BAG4: variants seen among roughly 807,000 people sequenced by gnomAD.
BAG4 encodes the protein BAG cochaperone 4.
Under a neutral mutation model 52.1 loss-of-function variants are expected in BAG4, and 28 were observed. The ratio of observed to expected loss-of-function variants is 0.54; its 90% CI spans 0.40 to 0.74. The LOEUF (loss-of-function observed/expected upper bound fraction) is 0.74, where lower values mean the gene tolerates loss of function less well. Ranked by LOEUF, BAG4 falls within the 30% of genes least tolerant of loss-of-function variation. The pLI is 0.00. For synonymous variants in BAG4, 208 were observed against 217.0 expected (o/e 0.96, Z 0.37); for missense variants, 525 against 572.0 (o/e 0.92, Z 0.84).
At chr8:38,206,062 G>A (rs1444622605) in intron 2 of BAG4, among the ~76,000 whole-genome samples, 2 of 150,726 alleles carry the variant, frequency 1.3e-5, no homozygotes, top group Non-Finnish European at 3.0e-5. Flanking sequence ...AGGCTGAGGC[G>A]GGTGGATATG....
chr8:38,184,448 C>T (rs898992205), intron 1 of BAG4, among the ~76,000 whole-genome samples: 16 of 151,016 alleles, frequency 1.1e-4, no homozygotes, highest in Non-Finnish European at 1.9e-4. Context: ...GTCTGGGTGA[C>T]GGAGTGAGAC....
intron 3 of BAG4, among the ~76,000 whole-genome samples, chr8:38,208,738 T>C (rs966034808): frequency 3.3e-5 from 5 of 152,236 alleles, no homozygotes; most frequent in African/African-American, 1.2e-4. Flanking sequence ...ATAGTATCTA[T>C]GGGACAGACT....
chr8:38,198,778 T>C (rs1033805566), intron 2 of BAG4, among the ~76,000 whole-genome samples: 11 of 152,138 alleles, frequency 7.2e-5, no homozygotes, highest in African/African-American at 2.7e-4. Context: ...TGAGCCACCA[T>C]GCGTGGCTGT....
chr8:38,203,235 G>T (rs1166509390), intron 2 of BAG4, among the ~76,000 whole-genome samples: 1 of 151,992 alleles, frequency 6.6e-6, no homozygotes, highest in East Asian at 1.9e-4. Flanking sequence ...ATTGCTAAGC[G>T]AGTGTTCTTA....
intron 2 of BAG4, among the ~76,000 whole-genome samples, chr8:38,193,425 AAAAC>A (rs1190211211): frequency 2.0e-5 from 3 of 152,110 alleles, no homozygotes; most frequent in Non-Finnish European, 2.9e-5. Flanking sequence ...CTCAAAACAA[AAAAC>A]AAACAAAAAA....
At chr8:38,193,132 T>C (rs1006419409) in intron 2 of BAG4, among the ~76,000 whole-genome samples, 3 of 152,166 alleles carry the variant, frequency 2.0e-5, no homozygotes, top group African/African-American at 7.2e-5. Flanking sequence ...AAATCTAGCA[T>C]GCAGGGCTGG....
chr8:38,191,601 G>C lies in BAG4; in HGVS notation c.271-1087G>C, dbSNP rs191571933. Among the ~76,000 whole-genome samples the C allele has an allele frequency of 1.6e-4, 25 of 151,916 alleles. No homozygotes were observed. In the East Asian group the frequency reaches 4.8e-3, roughly 29 times the overall value. On this transcript the variant is annotated intron_variant, in intron 1 of 4. Transcript: ENST00000287322. ...TAGTGAAACCCGGTCTCTACTAAAAGTACAAAAAATTAGCTGGGCGTGGTG... is the reference window on the plus strand; with the variant it reads ...TAGTGAAACCCGGTCTCTACTAAAACTACAAAAAATTAGCTGGGCGTGGTG...
chr8:38,204,573 C>T (rs1423480680), intron 2 of BAG4, among the ~76,000 whole-genome samples: 1 of 151,584 alleles, frequency 6.6e-6, no homozygotes, highest in Non-Finnish European at 1.5e-5. Flanking sequence ...GCCAGGATCA[C>T]TTCAGCCTAA....
Position 38,210,638 on chromosome 8 carries a change from C to G in BAG4, c.*145C>G. 1 of 1,079,642 alleles carries G rather than the reference C, an allele frequency of 9.3e-7. No homozygotes were observed. Among genetic ancestry groups the G allele is most frequent in the Non-Finnish European group, 1.3e-6 (1 of 789,284 alleles). 66.9% of individuals were successfully genotyped at this position (1,079,642 alleles called of 1,614,324 possible). On this transcript the variant is annotated 3_prime_UTR_variant, in exon 5 of 5. Coordinates refer to ENST00000287322, the MANE Select transcript of BAG4 (RefSeq NM_004874.4). The stretch of plus-strand genomic sequence containing the variant: ...TTTGATTTTATACTTGAAAAACTGG[C>G]AAAGGAATGGAAGAATATTTTAGTC...
chr8:38,208,900 G>C, intron 3 of BAG4, 113 bp from the exon 4 acceptor site: 1 of 1,248,568 alleles, frequency 8.0e-7, no homozygotes, highest in Non-Finnish European at 1.1e-6. Flanking sequence ...TCCGGTAGCA[G>C]CTAATGTATA....
In BAG4 at chr8:38,209,223, GGC is replaced by G; in HGVS notation, c.845_846del (p.Gly282ValfsTer21). The G allele has an allele frequency of 6.2e-7, 1 of 1,614,164 alleles. No homozygotes were observed. Among genetic ancestry groups the G allele is most frequent in the Non-Finnish European group, 8.5e-7 (1 of 1,180,046 alleles). On this transcript the variant is annotated frameshift_variant, in exon 4 of 5. Transcript: ENST00000287322. LOFTEE classifies it high-confidence loss of function. ...TESTSPWPSS[G>X]SPQSPPSPPV... ...AAGTACTTCACCATGGCCTAGCAGT[GGC>G]TCTCCCCAGTCACCCCCTTCACCCC... is the stretch of plus-strand genomic sequence containing the variant.
intron 2 of BAG4, among the ~76,000 whole-genome samples, chr8:38,198,193 G>A (rs1563282970): frequency 1.3e-5 from 2 of 151,098 alleles, no homozygotes; most frequent in South Asian, 2.1e-4. Context: ...GACCATCCTG[G>A]CTAATATGGT....
Position 38,176,874 on chromosome 8 carries a change from C to A in BAG4, c.5C>A (p.Ser2Ter). M[S>*]ALRRSGYGPS... is the part of the protein sequence containing the mutation. The stretch of plus-strand genomic sequence containing the variant: ...CGCTTCAGGGCAGCGGATCCCATGT[C>A]GGCCCTGAGGCGCTCGGGCTACGGC... The change falls in exon 1 of 5, where the codon TCG (serine) becomes TAG (stop). Residue 2 changes from serine (S) to a stop codon, truncating the protein, a stop_gained. Coordinates refer to ENST00000287322, the MANE Select transcript of BAG4 (RefSeq NM_004874.4). LOFTEE classifies it high-confidence loss of function. 3 of 1,513,792 alleles carry A rather than the reference C, an allele frequency of 2.0e-6. No individual in the cohort carries two copies. The highest frequency in any genetic ancestry group is 2.7e-6 in the Non-Finnish European group (3 of 1,128,642). The allele number at this position is 1,513,792 out of a possible 1,614,324, so 93.8% of individuals were successfully genotyped here. A position where few individuals can be genotyped will look rare whatever the true frequency, so the allele number is the denominator to read the frequency against.
At chr8:38,204,689 GA>G (rs937978894) in intron 2 of BAG4, among the ~76,000 whole-genome samples, 3 of 149,548 alleles carry the variant, frequency 2.0e-5, no homozygotes, top group Non-Finnish European at 3.0e-5. Flanking sequence ...AAGGGAAAAA[GA>G]AAAAAAATAA....
intron 3 of BAG4, among the ~76,000 whole-genome samples, chr8:38,208,071 G>A (rs1436756748): frequency 6.6e-6 from 1 of 150,748 alleles, no homozygotes; most frequent in Non-Finnish European, 1.5e-5. Flanking sequence ...CTACCTCCTG[G>A]GTTCAAGCAA....
In BAG4 at chr8:38,213,085, T is replaced by C. The variant is rs1008389203; in HGVS notation, c.*2592T>C. ...ATATCAAAGAAAACTAAGTTGGTAATCTATCTCAGAAAATATATGAACTTA... is the reference window on the plus strand; with the variant it reads ...ATATCAAAGAAAACTAAGTTGGTAACCTATCTCAGAAAATATATGAACTTA... On this transcript the variant is annotated 3_prime_UTR_variant, in exon 5 of 5. Transcript: ENST00000287322. 2.6e-5 allele frequency: 4 copies of C among 152,238 alleles called. No individual in the cohort carries two copies. The highest frequency in any genetic ancestry group is 9.6e-5 in the African/African-American group (4 of 41,474). The allele number at this position is 152,238 out of a possible 1,614,324, so 9.4% of individuals were successfully genotyped here.
At chr8:38,189,624 T>TA (rs1297228905) in intron 1 of BAG4, among the ~76,000 whole-genome samples, 1 of 152,196 alleles carries the variant, frequency 6.6e-6, no homozygotes, top group Non-Finnish European at 1.5e-5. Context: ...GGTCTACCTG[T>TA]GTGTCTTCTC....
At position 38,210,853 on chromosome 8, in the gene BAG4, G is replaced by A. The variant is rs1312744704; in HGVS notation, c.*360G>A. On this transcript the variant is annotated 3_prime_UTR_variant, in exon 5 of 5. Transcript: ENST00000287322. ...CCAGATGAAACTGGATATAATCTGA[G>A]ACAAACAGGATGTGTTTTTTTAAAC... 1 of 168,644 alleles carries A rather than the reference G, an allele frequency of 5.9e-6. No homozygotes were observed. The highest frequency in any genetic ancestry group is 1.3e-5 in the Non-Finnish European group (1 of 78,706). The allele number at this position is 168,644 out of a possible 1,614,324, so 10.4% of individuals were successfully genotyped here.
intron 2 of BAG4, chr8:38,204,335 C>G (rs1327274946): frequency 1.3e-5 from 2 of 152,052 alleles, no homozygotes; most frequent in Non-Finnish European, 2.9e-5. Context: ...GCCTGGGCAA[C>G]ATGGCCAAAC....
Sources: allele counts gnomAD v4.1 joint callset (sites outside exome capture counted in the v4.1 genomes callset), GRCh38; gene constraint gnomAD v4.1.1; transcripts MANE v1.5; gene names NCBI Gene and HGNC (gene_info 2026-07-23, HGNC 2026-07-21).